MAN1C1: variants seen among roughly 807,000 people sequenced by gnomAD.
The protein encoded by MAN1C1 is mannosidase alpha class 1C member 1, also known as mannosyl-oligosaccharide 1,2-alpha-mannosidase IC.
In MAN1C1, 49 loss-of-function variants were observed where a neutral mutation model predicts 71.5. That is an observed-to-expected ratio of 0.69 (90% CI 0.54 to 0.87). The LOEUF is 0.87. Among genes scored for constraint, MAN1C1 ranks in the 40% least tolerant of loss-of-function variants. The pLI is 0.00. For missense variants in MAN1C1, 743 were observed against 835.0 expected, an observed-to-expected ratio of 0.89 and a Z score of 1.36; for synonymous variants, 352 against 343.7, an observed-to-expected ratio of 1.02 and a Z score of -0.27.
chr1:25,620,334 G>T (rs1052703406), intron 1 of MAN1C1, among the ~76,000 whole-genome samples: 2 of 152,274 alleles, frequency 1.3e-5, no homozygotes, highest in South Asian at 2.1e-4. Flanking sequence ...TGTTCAGCTA[G>T]CCCTCTCTTA....
chr1:25,707,315 C>T (rs1372403792), intron 2 of MAN1C1, among the ~76,000 whole-genome samples: 1 of 152,204 alleles, frequency 6.6e-6, no homozygotes, highest in East Asian at 1.9e-4. Flanking sequence ...TGCCACTTGG[C>T]CCATCAGTGC....
intron 2 of MAN1C1, among the ~76,000 whole-genome samples, chr1:25,699,335 A>C (rs1572158670): frequency 6.6e-6 from 1 of 151,550 alleles, no homozygotes. Flanking sequence ...GAAGAAGAAG[A>C]AGCATGAGAG....
At chr1:25,716,380 T>TG (rs2046681210) in intron 2 of MAN1C1, among the ~76,000 whole-genome samples, 1 of 152,212 alleles carries the variant, frequency 6.6e-6, no homozygotes, top group Non-Finnish European at 1.5e-5. Flanking sequence ...TCACCCAGGT[T>TG]GGAGTACAGT....
chr1:25,733,836 G>T (rs1211186305), intron 2 of MAN1C1, among the ~76,000 whole-genome samples: 1 of 151,174 alleles, frequency 6.6e-6, no homozygotes, highest in East Asian at 1.9e-4. Context: ...GTCTTTCTCT[G>T]TCGCCCAGGC....
chr1:25,693,599 C>A (rs1198257665), intron 2 of MAN1C1, among the ~76,000 whole-genome samples: 1 of 152,176 alleles, frequency 6.6e-6, no homozygotes, highest in East Asian at 1.9e-4. Flanking sequence ...CCACTGCACT[C>A]CAGCTTGGGC....
In MAN1C1 at chr1:25,784,055, C is replaced by T; in HGVS notation, c.*266C>T. ...GCCCACTCACTTGCCATTCCAGGGC[C>T]AAAGGACCGGAGGTTTGCATATCCG... is the stretch of plus-strand genomic sequence containing the variant. On this transcript the variant is annotated 3_prime_UTR_variant, in exon 12 of 12. Transcript: ENST00000374332. 5.1e-6 allele frequency: 2 copies of T among 392,722 alleles called. No individual in the cohort carries two copies. Among genetic ancestry groups the T allele is most frequent in the South Asian group, 5.7e-5 (1 of 17,546 alleles). The allele number at this position is 392,722 out of a possible 1,614,324, so 24.3% of individuals were successfully genotyped here.
rs529905524 is a variant in MAN1C1 at position 25,769,235 on chromosome 1, C to T, written c.1142-2422C>T. ...ACACTACACATAGTCCCCTCATACACTACACACCACACTCCTTGACACACA... is the reference window on the plus strand; with the variant it reads ...ACACTACACATAGTCCCCTCATACATTACACACCACACTCCTTGACACACA... On this transcript the variant is annotated intron_variant, in intron 7 of 11. Coordinates refer to ENST00000374332, the MANE Select transcript of MAN1C1 (RefSeq NM_020379.4). This position sits in a 1 kb window ranked among gnomAD's most constrained non-coding sequence, Gnocchi z 4.8. 1.3e-5 allele frequency among the ~76,000 whole-genome samples: 2 copies of T among 148,646 alleles called. No homozygotes were observed. The highest frequency in any genetic ancestry group is 1.3e-4 in the Admixed American group (2 of 14,824).
At chr1:25,768,264 CACATCACAT>C (rs138924960) in intron 7 of MAN1C1, among the ~76,000 whole-genome samples, 686 of 4,308 alleles carry the variant, frequency 0.16, 58 homozygotes, top group Non-Finnish European at 0.21. Context: ...TCCCCTCACA[CACATCACAT>C]ACATCCACAC....
intron 5 of MAN1C1, among the ~76,000 whole-genome samples, chr1:25,757,282 G>A (rs2047299452): frequency 6.6e-6 from 1 of 152,222 alleles, no homozygotes; most frequent in South Asian, 2.1e-4. Context: ...AGGGCAGTGT[G>A]ACCAGGAGCA....
At position 25,764,143 on chromosome 1, in the gene MAN1C1, T is replaced by C. The variant is rs911063712; in HGVS notation, c.1141+176T>C. Among the ~76,000 whole-genome samples the C allele has an allele frequency of 1.3e-5, 2 of 152,174 alleles. No individual in the cohort carries two copies. Among genetic ancestry groups the C allele is most frequent in the Non-Finnish European group, 2.9e-5 (2 of 68,036 alleles). On this transcript the variant is annotated intron_variant, in intron 7 of 11. Transcript: ENST00000374332. The surrounding 1 kb of genome is among the most constrained non-coding windows in gnomAD (Gnocchi z 4.4). ...TGCCTTCCCATGCATCCTGGGGGCT[T>C]GCCTGTGGTTGTCTGCTGCTGCAGT... is the stretch of plus-strand genomic sequence containing the variant.
chr1:25,701,609 T>A (rs2046444692), intron 2 of MAN1C1, among the ~76,000 whole-genome samples: 1 of 152,144 alleles, frequency 6.6e-6, no homozygotes, highest in Admixed American at 6.5e-5. Flanking sequence ...CAGCAACACA[T>A]GGTATTGGCC....
intron 3 of MAN1C1, among the ~76,000 whole-genome samples, chr1:25,747,280 G>A (rs2047143168): frequency 6.6e-6 from 1 of 152,218 alleles, no homozygotes; most frequent in African/African-American, 2.4e-5. Context: ...CCCATGGCCA[G>A]GCCTGGGACC....
chr1:25,768,317 A>C (rs548997448), intron 7 of MAN1C1, among the ~76,000 whole-genome samples: 10 of 104,474 alleles, frequency 9.6e-5, no homozygotes, highest in Admixed American at 9.0e-4. Context: ...CACTCCCTTC[A>C]CGTACATCCA....
In MAN1C1 at chr1:25,746,259, C is replaced by G. The variant is rs888830092; in HGVS notation, c.638-409C>G. ...GGCAGAGGTTGGAGTGAGCCGAGAT[C>G]GCACCATTGCACTCCAGACTGGGTG... On this transcript the variant is annotated intron_variant, in intron 2 of 11. Transcript: ENST00000374332. The surrounding 1 kb of genome is among the most constrained non-coding windows in gnomAD (Gnocchi z 4.0). Among the ~76,000 whole-genome samples the G allele has an allele frequency of 6.6e-6, 1 of 152,150 alleles. No homozygotes were observed. The highest frequency in any genetic ancestry group is 2.4e-5 in the African/African-American group (1 of 41,434).
intron 1 of MAN1C1, 83 bp downstream of exon 1, chr1:25,618,420 T>A: frequency 7.4e-7 from 1 of 1,356,132 alleles, no homozygotes. Context: ...CCCCTTTCCC[T>A]TGCCTCAGTC....
In MAN1C1 at chr1:25,618,018, C is replaced by A. The variant is rs756506345; in HGVS notation, c.221C>A (p.Pro74Gln). 1 of 1,599,550 alleles carries A rather than the reference C, an allele frequency of 6.3e-7. No homozygotes were observed. Among genetic ancestry groups the A allele is most frequent in the African/African-American group, 1.4e-5 (1 of 73,232 alleles). ...GTGGCTGAAATCGCCGGCCATGCCC[C>A]GGCCCGCGAGCAGGAGCCGCCTCCC... ...EVVAEIAGHA[P>Q]AREQEPPPNP... Residue 74 changes from proline to glutamine, a missense_variant, in exon 1 of 12, where the codon CCG becomes CAG. Transcript: ENST00000374332.
intron 6 of MAN1C1, 52 bp from the exon 7 acceptor site, chr1:25,763,822 A>G: frequency 6.9e-7 from 1 of 1,452,996 alleles, no homozygotes; most frequent in South Asian, 1.1e-5. Context: ...GGCTGGGTGC[A>G]GTCGGCTTCT....
intron 2 of MAN1C1, among the ~76,000 whole-genome samples, chr1:25,693,149 AT>A (rs2046329369): frequency 6.6e-6 from 1 of 152,250 alleles, no homozygotes; most frequent in Non-Finnish European, 1.5e-5. Flanking sequence ...ATACTGTATT[AT>A]AATAACATAA....
intron 2 of MAN1C1, among the ~76,000 whole-genome samples, chr1:25,720,358 G>A (rs370309478): frequency 6.8e-4 from 104 of 151,864 alleles, no homozygotes; most frequent in Middle Eastern, 3.4e-3. Flanking sequence ...TTACAGGCAC[G>A]CACCGCCATG....
Sources: gnomAD v4.1 joint callset for allele counts (sites outside exome capture counted in the v4.1 genomes callset) on GRCh38, gnomAD v4.1.1 for gene constraint, Gnocchi (gnomAD v3.1) non-coding constraint, MANE v1.5 for transcripts, NCBI Gene and HGNC (gene_info 2026-07-23, HGNC 2026-07-21) for gene names.